Variants in OGDH observed in about 807,000 individuals in gnomAD.
The protein encoded by OGDH is 2-oxoglutarate dehydrogenase complex component E1.
Under a neutral mutation model 116.6 loss-of-function variants are expected in OGDH, and 38 were observed. The observed-to-expected ratio is 0.33, with a 90% CI of 0.25 to 0.43. The LOEUF is 0.43. OGDH is among the 20% of genes least tolerant of loss of function. The pLI is 1.00. For missense variants in OGDH, 825 were observed against 1,357.2 expected (o/e 0.61, Z 6.16); for synonymous variants, 488 against 533.3 (o/e 0.92, Z 1.17).
Position 44,673,928 on chromosome 7 carries a change from G to C in OGDH, c.775G>C (p.Val259Leu). Residue 259 changes from valine to leucine, a missense_variant, in exon 6 of 23, where the codon GTG becomes CTG. Val to Leu is a conservative substitution (Grantham distance 32, BLOSUM62 1). This residue lies in a region of OGDH where 171 missense variants were observed against 276.8 expected (regional missense o/e 0.62). Coordinates refer to ENST00000222673, the MANE Select transcript of OGDH (RefSeq NM_002541.4). ...EEKRTLLARL[V>L]RSTRFEEFLQ... ...GAAACGGACCCTGCTGGCCAGGCTTGTGCGGTCCACCAGGTATGGGTCTGG... is the reference window on the plus strand; with the variant it reads ...GAAACGGACCCTGCTGGCCAGGCTTCTGCGGTCCACCAGGTATGGGTCTGG... The C allele has an allele frequency of 6.2e-7, 1 of 1,614,242 alleles. No individual in the cohort carries two copies. Among genetic ancestry groups the C allele is most frequent in the Non-Finnish European group, 8.5e-7 (1 of 1,180,034 alleles).
chr7:44,647,151 A>C (rs930292207), intron 3 of OGDH, among the ~76,000 whole-genome samples: 7 of 152,254 alleles, frequency 4.6e-5, no homozygotes, highest in African/African-American at 1.7e-4. Flanking sequence ...ATTGCCCAGC[A>C]TATCTCATTT....
intron 1 of OGDH, among the ~76,000 whole-genome samples, chr7:44,616,656 T>G (rs549194702): frequency 6.7e-6 from 1 of 148,232 alleles, no homozygotes; most frequent in Admixed American, 6.8e-5. Context: ...TATACACATA[T>G]ATATACGTAT....
At chr7:44,675,388 C>A in intron 8 of OGDH, 120 bp downstream of exon 8, 1 of 843,642 alleles carries the variant, frequency 1.2e-6, no homozygotes, top group Non-Finnish European at 1.9e-6. Context: ...TTGTGATTTG[C>A]CTTCCTTGTT....
chr7:44,636,834 A>G (rs1785691652), intron 2 of OGDH, among the ~76,000 whole-genome samples: 1 of 152,204 alleles, frequency 6.6e-6, no homozygotes. Context: ...TCCAGAATGT[A>G]AAAATTATTT....
chr7:44,626,643 G>A (rs1785219834), intron 2 of OGDH, among the ~76,000 whole-genome samples: 1 of 152,236 alleles, frequency 6.6e-6, no homozygotes, highest in Non-Finnish European at 1.5e-5. Flanking sequence ...TCTGTGAGCA[G>A]TGTGGCCACA....
chr7:44,664,772 A>C (rs532569361), intron 4 of OGDH, among the ~76,000 whole-genome samples: 1 of 152,210 alleles, frequency 6.6e-6, no homozygotes, highest in South Asian at 2.1e-4. Flanking sequence ...CAAAGCACTC[A>C]TATATAGATC....
intron 10 of OGDH, among the ~76,000 whole-genome samples, chr7:44,690,794 A>G (rs1313029862): frequency 1.3e-5 from 2 of 152,238 alleles, no homozygotes; most frequent in Non-Finnish European, 2.9e-5. Context: ...GTGAGGTTCT[A>G]GCAGTAAGGC....
rs1166915620 is a variant in OGDH, at chr7:44,693,848, G to T, written c.1359G>T (p.Arg453=). The T allele has an allele frequency of 1.4e-5, 22 of 1,602,510 alleles. No homozygotes were observed. Among genetic ancestry groups the T allele is most frequent in the Non-Finnish European group, 1.8e-5 (21 of 1,171,546 alleles). ...AGATCGGCTTCACCACCGACCCTCG[G>T]ATGGCCCGCTCCTCCCCCTACCCCA... ...NNQIGFTTDP[R]MARSSPYPTD... Residue 453 remains arginine (R), a synonymous_variant, in exon 11 of 23, where the codon CGG becomes CGT. Transcript: ENST00000222673.
At chr7:44,678,396 T>C (rs990096800) in intron 9 of OGDH, among the ~76,000 whole-genome samples, 2 of 152,222 alleles carry the variant, frequency 1.3e-5, no homozygotes, top group Non-Finnish European at 2.9e-5. Flanking sequence ...ACTCTAGCAG[T>C]ACTCACCTCA....
intron 2 of OGDH, among the ~76,000 whole-genome samples, chr7:44,631,354 A>T (rs1360947701): frequency 6.6e-6 from 1 of 152,194 alleles, no homozygotes; most frequent in Non-Finnish European, 1.5e-5. Flanking sequence ...TACGTTAAGT[A>T]ATGGTGGGAA....
At chr7:44,616,429 T>G (rs1263354461) in intron 1 of OGDH, among the ~76,000 whole-genome samples, 4 of 152,076 alleles carry the variant, frequency 2.6e-5, no homozygotes, top group African/African-American at 9.7e-5. Context: ...TCCCTACCAG[T>G]GGTGACCACC....
rs869250474 is a variant in OGDH at position 44,669,145 on chromosome 7, C to CTTTTTTTTTTTTTTTT, written c.633+2304_633+2319dup. On this transcript the variant is annotated intron_variant, in intron 5 of 22. Coordinates refer to ENST00000222673, the MANE Select transcript of OGDH (RefSeq NM_002541.4). ...GAGTCCCCTGTGGGGAGCCCGGCAG[C>CTTTTTTTTTTTTTTTT]TTTTTTTTTTTTTTTTTTTTTTTTT... 1.3e-3 allele frequency among the ~76,000 whole-genome samples: 102 copies of CTTTTTTTTTTTTTTTT among 77,802 alleles called. 11 individuals carry two copies. The highest frequency in any genetic ancestry group is 5.9e-3 in the East Asian group (11 of 1,868). The allele number at this position is 77,802 out of a possible 152,430, so 51.0% of individuals were successfully genotyped here.
rs567709276 is a variant in OGDH, at chr7:44,608,862, A to G, written c.-28+2209A>G. 1.1e-4 allele frequency among the ~76,000 whole-genome samples: 16 copies of G among 152,328 alleles called. No individual in the cohort carries two copies. In the South Asian group the frequency reaches 2.1e-3, roughly 20 times the overall value. On this transcript the variant is annotated intron_variant, in intron 1 of 22. Transcript: ENST00000222673. ...GAAATTGTACATAAAAATTTATTCT[A>G]TGCAGTCATAATAAATAGTACAGAG...
chr7:44,662,419 A>G (rs1331397285), intron 4 of OGDH, among the ~76,000 whole-genome samples: 1 of 150,384 alleles, frequency 6.6e-6, no homozygotes, highest in Non-Finnish European at 1.5e-5. Flanking sequence ...CTTATCTTTC[A>G]GGTCCTGAAA....
At chr7:44,675,053 G>T in intron 7 of OGDH, 125 bp from the exon 8 acceptor site, 1 of 729,772 alleles carries the variant, frequency 1.4e-6, no homozygotes, top group Non-Finnish European at 2.4e-6. Flanking sequence ...AGCTATCCTT[G>T]GGCTGCAAAC....
At chr7:44,671,077 G>A (rs1000269423) in intron 5 of OGDH, among the ~76,000 whole-genome samples, 2 of 151,556 alleles carry the variant, frequency 1.3e-5, no homozygotes, top group Admixed American at 6.6e-5. Context: ...AGTCCATTTT[G>A]TATTGCTATA....
At chr7:44,607,176 G>T (rs1389948047) in intron 1 of OGDH, among the ~76,000 whole-genome samples, 1 of 152,226 alleles carries the variant, frequency 6.6e-6, no homozygotes, top group Admixed American at 6.5e-5. Context: ...CTTTGGGGTG[G>T]CCCTGGGTGG....
chr7:44,669,028 G>A (rs1038956448), intron 5 of OGDH, among the ~76,000 whole-genome samples: 37 of 151,652 alleles, frequency 2.4e-4, no homozygotes, highest in African/African-American at 8.5e-4. Flanking sequence ...GTTCCACCCA[G>A]TTCCTTCAGT....
rs769649359 is a variant in OGDH, at chr7:44,643,094, T to TAA, written c.223-2211_223-2210dup. Among the ~76,000 whole-genome samples the TAA allele has an allele frequency of 8.0e-4, 99 of 124,462 alleles. 2 individuals are homozygous for TAA. The Middle Eastern group carries it at 0.033, about 41-fold the overall frequency. 81.7% of individuals were successfully genotyped at this position (124,462 alleles called of 152,430 possible). On this transcript the variant is annotated intron_variant, in intron 2 of 22. Coordinates refer to ENST00000222673, the MANE Select transcript of OGDH (RefSeq NM_002541.4). Reference sequence around the variant, plus strand: ...GCAACAGAGCAAGACCCTGTTTCTTTAAAAAAAAAAAAAAAAAAAAAAAGT... The same window carrying TAA: ...GCAACAGAGCAAGACCCTGTTTCTTTAAAAAAAAAAAAAAAAAAAAAAAAAGT...
Sources: allele counts gnomAD v4.1 joint callset (sites outside exome capture counted in the v4.1 genomes callset), GRCh38; gene constraint gnomAD v4.1.1; regional missense constraint gnomAD v4.1.1; transcripts MANE v1.5; gene names NCBI Gene and HGNC (gene_info 2026-07-23, HGNC 2026-07-21).